FBXO8: variants seen among roughly 807,000 people sequenced by gnomAD.
FBXO8 encodes F-box protein 8.
In FBXO8, 15 loss-of-function variants were observed where a neutral mutation model predicts 33.4. The ratio of observed to expected loss-of-function variants is 0.45; its 90% confidence interval spans 0.30 to 0.69. The LOEUF is 0.69. Ranked by LOEUF, FBXO8 falls within the 30% of genes least tolerant of loss-of-function variation. The probability of loss-of-function intolerance (pLI) is 0.08; values close to 1 mark genes in which losing one functional copy is unlikely to be tolerated. For synonymous variants in FBXO8, 132 were observed against 131.5 expected (o/e 1.00, Z -0.02); for missense variants, 274 against 380.3 (o/e 0.72, Z 2.32).
intron 1 of FBXO8, among the ~76,000 whole-genome samples, chr4:174,273,023 G>C (rs1201415804): frequency 6.6e-6 from 1 of 152,194 alleles, no homozygotes; most frequent in East Asian, 1.9e-4. Flanking sequence ...ATGCCAGGCT[G>C]GGAATGGTGG....
At position 174,237,532 on chromosome 4, in the gene FBXO8, C is replaced by T. The variant is rs1735914529; in HGVS notation, c.840G>A (p.Lys280=). The T allele has an allele frequency of 1.2e-6, 2 of 1,613,668 alleles. No homozygotes were observed. Among genetic ancestry groups the T allele is most frequent in the Non-Finnish European group, 1.7e-6 (2 of 1,179,694 alleles). Residue 280 remains lysine (K), a synonymous_variant, in exon 6 of 6, where the codon AAG becomes AAA. Coordinates refer to ENST00000393674, the MANE Select transcript of FBXO8 (RefSeq NM_012180.3). The surrounding 1 kb of genome is among the most constrained non-coding windows in gnomAD (Gnocchi z 4.4). ...TAAATTCCCTTTTTGACATTTTATT[C>T]TTCACATGAGGGCTAGTGAGGTCAA... ...LSIDLTSPHV[K]NKMSKREFIR... is the part of the protein sequence containing the mutation.
At chr4:174,266,427 C>A (rs896460483) in intron 1 of FBXO8, among the ~76,000 whole-genome samples, 1 of 152,112 alleles carries the variant, frequency 6.6e-6, no homozygotes, top group Non-Finnish European at 1.5e-5. Flanking sequence ...TGGGTAAAAA[C>A]ACAGTAATGA....
At position 174,256,257 on chromosome 4, in the gene FBXO8, T is replaced by G. The variant is rs1317144238; in HGVS notation, c.456+3442A>C. On this transcript the variant is annotated intron_variant, in intron 3 of 5. Coordinates refer to ENST00000393674, the MANE Select transcript of FBXO8 (RefSeq NM_012180.3). The surrounding 1 kb of genome is among the most constrained non-coding windows in gnomAD (Gnocchi z 4.6). The stretch of plus-strand genomic sequence containing the variant: ...CTTTTTACAATACTAAGCAATTATA[T>G]ACATCTTATCTCAGGTACTTGCAAA... The G allele has an allele frequency of 2.5e-6, 1 of 403,164 alleles. No homozygotes were observed. The highest frequency in any genetic ancestry group is 4.9e-6 in the Non-Finnish European group (1 of 204,166). 25.0% of individuals were successfully genotyped at this position (403,164 alleles called of 1,614,324 possible).
At chr4:174,246,854 G>C (rs1736170955) in intron 3 of FBXO8, among the ~76,000 whole-genome samples, 6 of 151,994 alleles carry the variant, frequency 3.9e-5, no homozygotes, top group Admixed American at 1.3e-4. Flanking sequence ...TTCTTTCTTA[G>C]GTCTATCTGG....
chr4:174,266,946 C>T (rs1463287585), intron 1 of FBXO8, among the ~76,000 whole-genome samples: 1 of 152,166 alleles, frequency 6.6e-6, no homozygotes, highest in Admixed American at 6.5e-5. Flanking sequence ...TTTAATGATA[C>T]TTAAACTGTT....
At position 174,266,039 on chromosome 4, in the gene FBXO8, A is replaced by G. The variant is rs550675145; in HGVS notation, c.-8-2939T>C. Among the ~76,000 whole-genome samples the G allele has an allele frequency of 1.1e-4, 16 of 152,172 alleles. 1 individual carries two copies. The highest frequency in any genetic ancestry group is 2.4e-4 in the Non-Finnish European group (16 of 68,022). On this transcript the variant is annotated intron_variant, in intron 1 of 5. Coordinates refer to ENST00000393674, the MANE Select transcript of FBXO8 (RefSeq NM_012180.3). ...TATTTAAAACATTTATAACAATTTC[A>G]GTCTATTTTCCTACAGAATCTTTCT... is the stretch of plus-strand genomic sequence containing the variant.
At position 174,270,625 on chromosome 4, in the gene FBXO8, T is replaced by TA. The variant is rs1736816230; in HGVS notation, c.-8-7526_-8-7525insT. The stretch of plus-strand genomic sequence containing the variant: ...GCTCATGTCTTAGGAATAGTATTTT[T>TA]TTTTTTTTTTGAGATTTAGTCTTGT... On this transcript the variant is annotated intron_variant, in intron 1 of 5. Transcript: ENST00000393674. This position sits in a 1 kb window ranked among gnomAD's most constrained non-coding sequence, Gnocchi z 4.6. Among the ~76,000 whole-genome samples the TA allele has an allele frequency of 6.6e-6, 1 of 152,028 alleles. No individual in the cohort carries two copies. The highest frequency in any genetic ancestry group is 1.5e-5 in the Non-Finnish European group (1 of 68,002).
chr4:174,237,726 C>A lies in FBXO8; in HGVS notation c.773-127G>T. 1 of 729,342 alleles carries A rather than the reference C, an allele frequency of 1.4e-6. No individual in the cohort carries two copies. Among genetic ancestry groups the A allele is most frequent in the Non-Finnish European group, 2.1e-6 (1 of 467,116 alleles). The allele number at this position is 729,342 out of a possible 1,614,324, so 45.2% of individuals were successfully genotyped here. ...GATTAGCTCATAAATACAGAGTGAC[C>A]AATCCATCCCAGTTTGTCTAGACTC... On this transcript the variant is annotated intron_variant, in intron 5 of 5. Coordinates refer to ENST00000393674, the MANE Select transcript of FBXO8 (RefSeq NM_012180.3). This position sits in a 1 kb window ranked among gnomAD's most constrained non-coding sequence, Gnocchi z 4.4.
intron 3 of FBXO8, among the ~76,000 whole-genome samples, chr4:174,244,245 A>G (rs767308488): frequency 6.6e-6 from 1 of 151,636 alleles, no homozygotes; most frequent in Non-Finnish European, 1.5e-5. Context: ...ATAGAGTTCC[A>G]TCTAAGGACT....
chr4:174,261,240 A>T lies in FBXO8; in HGVS notation c.330-1415T>A, dbSNP rs1392255624. Reference sequence around the variant, plus strand: ...TGTGAAAACCAGAGAACTTCCCAACATCAATGAGTATTCAATACATCCAAA... The same window carrying T: ...TGTGAAAACCAGAGAACTTCCCAACTTCAATGAGTATTCAATACATCCAAA... On this transcript the variant is annotated intron_variant, in intron 2 of 5. Transcript: ENST00000393674. The surrounding 1 kb of genome is among the most constrained non-coding windows in gnomAD (Gnocchi z 4.1). Among the ~76,000 whole-genome samples the T allele has an allele frequency of 1.3e-5, 2 of 151,958 alleles. No homozygotes were observed. The highest frequency in any genetic ancestry group is 3.8e-4 in the East Asian group (2 of 5,202).
rs1579028834 is a variant in FBXO8, at chr4:174,259,749, A to G, written c.406T>C (p.Tyr136His). The G allele has an allele frequency of 6.2e-7, 1 of 1,612,282 alleles. No individual in the cohort carries two copies. Among genetic ancestry groups the G allele is most frequent in the Non-Finnish European group, 8.5e-7 (1 of 1,178,990 alleles). The change falls in exon 3 of 6, where the codon TAT becomes CAT. Residue 136 changes from tyrosine (Y) to histidine (H), a missense_variant. Tyr to His is a moderately conservative substitution (Grantham distance 83, BLOSUM62 2). This residue lies in a region of FBXO8 where 186 missense variants were observed against 293.4 expected (regional missense o/e 0.63). Transcript: ENST00000393674. This position sits in a 1 kb window ranked among gnomAD's most constrained non-coding sequence, Gnocchi z 4.3. Reference sequence around the variant, plus strand: ...AGGCTGCCTTCATCCAGCTGCATATACAATTTTCTAAAAGAAAATCCTAAA... The same window carrying G: ...AGGCTGCCTTCATCCAGCTGCATATGCAATTTTCTAAAAGAAAATCCTAAA... ...PPLGFSFRKL[Y>H]MQLDEGSLTF...
chr4:174,269,781 C>T (rs1736795130), intron 1 of FBXO8, among the ~76,000 whole-genome samples: 1 of 151,628 alleles, frequency 6.6e-6, no homozygotes, highest in Non-Finnish European at 1.5e-5. Context: ...ATGATTAGCA[C>T]AAAATAGAAT....
rs1050788979 is a variant in FBXO8 at position 174,277,433 on chromosome 4, T to C, written c.-9+5977A>G. Among the ~76,000 whole-genome samples, 2 of 152,206 alleles carry C rather than the reference T, an allele frequency of 1.3e-5. No homozygotes were observed. The highest frequency in any genetic ancestry group is 2.4e-5 in the African/African-American group (1 of 41,474). ...AAGGTAACTACTGCTTATAATTTCA[T>C]GGCACTAAGCACTCAAATGGCACAT... On this transcript the variant is annotated intron_variant, in intron 1 of 5. Coordinates refer to ENST00000393674, the MANE Select transcript of FBXO8 (RefSeq NM_012180.3). The surrounding 1 kb of genome is among the most constrained non-coding windows in gnomAD (Gnocchi z 4.9).
At chr4:174,268,302 C>T (rs1418374897) in intron 1 of FBXO8, among the ~76,000 whole-genome samples, 5 of 152,186 alleles carry the variant, frequency 3.3e-5, no homozygotes, top group Admixed American at 1.3e-4. Context: ...ACTGTGAACT[C>T]ATGGCCAACC....
In FBXO8 at chr4:174,254,844, G is replaced by A. The variant is rs186707315; in HGVS notation, c.456+4855C>T. ...AGAAGATTACATCAGATAACTGCAAGTGAACAACAGGGTATTTCAACCATT... is the reference window on the plus strand; with the variant it reads ...AGAAGATTACATCAGATAACTGCAAATGAACAACAGGGTATTTCAACCATT... On this transcript the variant is annotated intron_variant, in intron 3 of 5. Transcript: ENST00000393674. This position sits in a 1 kb window ranked among gnomAD's most constrained non-coding sequence, Gnocchi z 4.2. Among the ~76,000 whole-genome samples, 31 of 152,246 alleles carry A rather than the reference G, an allele frequency of 2.0e-4. No individual in the cohort carries two copies. Among genetic ancestry groups the A allele is most frequent in the African/African-American group, 7.5e-4 (31 of 41,560 alleles).
rs973812848 is a variant in FBXO8 at position 174,256,908 on chromosome 4, C to T, written c.456+2791G>A. Among the ~76,000 whole-genome samples the T allele has an allele frequency of 6.0e-5, 9 of 150,386 alleles. No homozygotes were observed. Among genetic ancestry groups the T allele is most frequent in the Non-Finnish European group, 8.9e-5 (6 of 67,666 alleles). On this transcript the variant is annotated intron_variant, in intron 3 of 5. Coordinates refer to ENST00000393674, the MANE Select transcript of FBXO8 (RefSeq NM_012180.3). The surrounding 1 kb of genome is among the most constrained non-coding windows in gnomAD (Gnocchi z 4.6). ...GTTCCAGAGTATCTTTAAATCAGGC[C>T]AGGGAGTAAAAAAAAAAGAAAATAC...
intron 1 of FBXO8, among the ~76,000 whole-genome samples, chr4:174,266,591 A>G (rs1477237497): frequency 6.6e-6 from 1 of 152,164 alleles, no homozygotes; most frequent in Non-Finnish European, 1.5e-5. Flanking sequence ...AACTCTCAAA[A>G]TGACGTGACA....
chr4:174,272,616 TAAAG>T lies in FBXO8; in HGVS notation c.-8-9520_-8-9517del, dbSNP rs1449139660. On this transcript the variant is annotated intron_variant, in intron 1 of 5. Transcript: ENST00000393674. This position sits in a 1 kb window ranked among gnomAD's most constrained non-coding sequence, Gnocchi z 4.7. ...CTCTTTTTTAGAGTAGAATTCTAAT[TAAAG>T]AAGATAGAAAGAATAATGTAGTTAG... Among the ~76,000 whole-genome samples, 1 of 152,094 alleles carries T rather than the reference TAAAG, an allele frequency of 6.6e-6. No individual in the cohort carries two copies. The highest frequency in any genetic ancestry group is 2.4e-5 in the African/African-American group (1 of 41,442).
chr4:174,243,846 G>A (rs1736100896), intron 3 of FBXO8, among the ~76,000 whole-genome samples: 1 of 151,144 alleles, frequency 6.6e-6, no homozygotes, highest in Non-Finnish European at 1.5e-5. Context: ...AAGGAAGGTT[G>A]TAGCTCAGTA....
Sources: gnomAD v4.1 joint callset for allele counts (sites outside exome capture counted in the v4.1 genomes callset) on GRCh38, gnomAD v4.1.1 for gene constraint, gnomAD v4.1.1 regional missense constraint, Gnocchi (gnomAD v3.1) non-coding constraint, MANE v1.5 for transcripts, NCBI Gene and HGNC (gene_info 2026-07-23, HGNC 2026-07-21) for gene names.